The following PCDH9 variants were observed in gnomAD, a reference collection of about 807,000 sequenced individuals.
PCDH9 encodes the protein protocadherin-9.
PCDH9 carries 24 observed loss-of-function variants against 70.6 expected under a neutral mutation model. The observed-to-expected ratio is 0.34, with a 90% CI of 0.25 to 0.48. The LOEUF is 0.48. Among genes scored for constraint, PCDH9 ranks in the 20% least tolerant of loss-of-function variants. PCDH9 has a pLI of 0.99. For missense variants in PCDH9, 1,281 were observed against 1,503.6 expected (o/e 0.85, Z 2.45); for synonymous variants, 562 against 558.5 (o/e 1.01, Z -0.09).
chr13:67,063,090 T>C (rs1387611245), intron 2 of PCDH9, among the ~76,000 whole-genome samples: 1 of 152,174 alleles, frequency 6.6e-6, no homozygotes, highest in Non-Finnish European at 1.5e-5. Context: ...GTGTATTTCT[T>C]ACTCATACTA....
At chr13:66,669,757 T>G (rs950352110) in intron 3 of PCDH9, among the ~76,000 whole-genome samples, 1 of 152,212 alleles carries the variant, frequency 6.6e-6, no homozygotes, top group African/African-American at 2.4e-5. Flanking sequence ...TCAGGCTTAT[T>G]GTGTAAACAT....
intron 4 of PCDH9, among the ~76,000 whole-genome samples, chr13:66,404,022 G>C (rs375977298): frequency 2.0e-5 from 3 of 152,116 alleles, no homozygotes; most frequent in African/African-American, 7.2e-5. Flanking sequence ...TCTGCAACAC[G>C]GATAATGCTT....
At chr13:66,979,272 T>C (rs751908908) in intron 2 of PCDH9, among the ~76,000 whole-genome samples, 4 of 152,254 alleles carry the variant, frequency 2.6e-5, no homozygotes, top group Non-Finnish European at 5.9e-5. Flanking sequence ...TTCCATTACT[T>C]TAGTAACTGA....
At chr13:66,886,118 T>C (rs2082001110) in intron 3 of PCDH9, 1 of 152,200 alleles carries the variant, frequency 6.6e-6, no homozygotes, top group South Asian at 2.1e-4. Flanking sequence ...TTTTGTTCTG[T>C]TAATTCATTT....
intron 2 of PCDH9, among the ~76,000 whole-genome samples, chr13:67,146,595 A>G (rs2087528340): frequency 6.6e-6 from 1 of 152,166 alleles, no homozygotes; most frequent in Non-Finnish European, 1.5e-5. Context: ...AAGTGCACAA[A>G]AATATGCATG....
intron 2 of PCDH9, among the ~76,000 whole-genome samples, chr13:67,173,782 A>C (rs1309168805): frequency 1.3e-5 from 2 of 152,218 alleles, no homozygotes; most frequent in East Asian, 3.8e-4. Context: ...CTAAAAGACA[A>C]AAATAAAACA....
chr13:66,802,322 C>A (rs2080339981), intron 3 of PCDH9, among the ~76,000 whole-genome samples: 1 of 151,850 alleles, frequency 6.6e-6, no homozygotes, highest in African/African-American at 2.4e-5. Context: ...AACAGTCAGG[C>A]ACATATAAGG....
At chr13:66,939,070 T>C (rs2082964088) in intron 2 of PCDH9, among the ~76,000 whole-genome samples, 1 of 152,144 alleles carries the variant, frequency 6.6e-6, no homozygotes, top group African/African-American at 2.4e-5. Context: ...ATTTTGCTTG[T>C]ATTTGGGCCC....
chr13:66,645,172 CCAAT>C (rs1373179045), intron 3 of PCDH9, among the ~76,000 whole-genome samples: 2 of 151,968 alleles, frequency 1.3e-5, no homozygotes, highest in African/African-American at 4.8e-5. Context: ...TGGGTGATAA[CCAAT>C]CAAACGCAGC....
At chr13:66,736,795 A>G (rs1342944510) in intron 3 of PCDH9, among the ~76,000 whole-genome samples, 1 of 152,206 alleles carries the variant, frequency 6.6e-6, no homozygotes. Flanking sequence ...TTTCTGAAAC[A>G]TACACTTCCT....
rs1959059850 is a variant in PCDH9, at chr13:66,493,181, T to C, written c.3340+138029A>G. On this transcript the variant is annotated intron_variant, in intron 4 of 4. Transcript: ENST00000377865. ...CTTACATTTACATCTTTTTGCAGAC[T>C]TGAAGTAAATCTCACATTTGTTATT... Among the ~76,000 whole-genome samples, 3 of 152,316 alleles carry C rather than the reference T, an allele frequency of 2.0e-5. No homozygotes were observed. In the South Asian group the frequency reaches 6.2e-4, roughly 32 times the overall value.
rs182420525 is a variant in PCDH9 at position 66,364,705 on chromosome 13, G to A, written c.3341-59677C>T. Among the ~76,000 whole-genome samples the A allele has an allele frequency of 3.5e-3, 539 of 152,176 alleles. 3 individuals are homozygous for A. The highest frequency in any genetic ancestry group is 0.012 in the African/African-American group (508 of 41,536). On this transcript the variant is annotated intron_variant, in intron 4 of 4. Transcript: ENST00000377865. Reference sequence around the variant, plus strand: ...AATCCCACTGTAGATTAAGGAAGGGGAAAAAATGATCTCTATATAAGAAAG... The same window carrying A: ...AATCCCACTGTAGATTAAGGAAGGGAAAAAAATGATCTCTATATAAGAAAG...
intron 3 of PCDH9, among the ~76,000 whole-genome samples, chr13:66,729,787 A>G (rs2079049201): frequency 6.6e-6 from 1 of 152,120 alleles, no homozygotes; most frequent in South Asian, 2.1e-4. Context: ...TCCATGAAGC[A>G]TTTCCTGAAA....
intron 3 of PCDH9, among the ~76,000 whole-genome samples, chr13:66,842,043 A>T (rs1457419268): frequency 2.0e-5 from 3 of 152,216 alleles, no homozygotes; most frequent in Admixed American, 2.0e-4. Context: ...TTGGGAAATT[A>T]GGAGCAGAAA....
chr13:67,156,644 C>A (rs2087820994), intron 2 of PCDH9, among the ~76,000 whole-genome samples: 1 of 152,198 alleles, frequency 6.6e-6, no homozygotes, highest in South Asian at 2.1e-4. Context: ...TGATCCTATT[C>A]TTTCGGTACA....
chr13:66,763,756 T>G (rs754871243), intron 3 of PCDH9, among the ~76,000 whole-genome samples: 1 of 152,046 alleles, frequency 6.6e-6, no homozygotes, highest in Non-Finnish European at 1.5e-5. Flanking sequence ...TCAAGTTTTT[T>G]TAATAGTATA....
chr13:66,749,075 T>C lies in PCDH9; in HGVS notation c.3139-117664A>G, dbSNP rs568218703. Among the ~76,000 whole-genome samples, 69 of 152,336 alleles carry C rather than the reference T, an allele frequency of 4.5e-4. 2 individuals carry two copies. The South Asian group carries it at 0.012, about 27-fold the overall frequency. On this transcript the variant is annotated intron_variant, in intron 3 of 4. Transcript: ENST00000377865. Reference sequence around the variant, plus strand: ...TTAGCTTCCCCTTCTGCCATGATTATAAGTTTCCTGAGGCCTCCCCAGCCA... The same window carrying C: ...TTAGCTTCCCCTTCTGCCATGATTACAAGTTTCCTGAGGCCTCCCCAGCCA...
chr13:67,018,855 A>T (rs1198441907), intron 2 of PCDH9, among the ~76,000 whole-genome samples: 1 of 152,130 alleles, frequency 6.6e-6, no homozygotes, highest in African/African-American at 2.4e-5. Flanking sequence ...ATCTTGTCAC[A>T]TTCACAACTC....
At chr13:66,474,345 A>G (rs1042463057) in intron 4 of PCDH9, among the ~76,000 whole-genome samples, 7 of 152,180 alleles carry the variant, frequency 4.6e-5, no homozygotes, top group Non-Finnish European at 8.8e-5. Flanking sequence ...AATGGATAAA[A>G]TGAAGAAACC....
Sources: allele counts gnomAD v4.1 joint callset (sites outside exome capture counted in the v4.1 genomes callset), GRCh38; gene constraint gnomAD v4.1.1; transcripts MANE v1.5; gene names NCBI Gene and HGNC (gene_info 2026-07-23, HGNC 2026-07-21).